The following CAMK2G variants were observed in gnomAD, a reference collection of about 807,000 sequenced individuals.
CAMK2G encodes the protein calcium/calmodulin-dependent protein kinase type II subunit gamma.
In CAMK2G, 23 loss-of-function variants were observed where a neutral mutation model predicts 88.7. The ratio of observed to expected loss-of-function variants is 0.26; its 90% confidence interval spans 0.19 to 0.37. CAMK2G has a LOEUF of 0.37. Among genes scored for constraint, CAMK2G ranks in the 10% least tolerant of loss-of-function variants. CAMK2G has a pLI of 1.00. For synonymous variants in CAMK2G, 263 were observed against 294.8 expected (o/e 0.89, Z 1.11); for missense variants, 476 against 780.8 (o/e 0.61, Z 4.65).
chr10:73,829,733 G>GTA (rs1190553247), intron 14 of CAMK2G, among the ~76,000 whole-genome samples: 10 of 150,440 alleles, frequency 6.6e-5, no homozygotes, highest in Non-Finnish European at 1.0e-4. Context: ...GTGTGTGTGT[G>GTA]TATATCTCCT....
intron 17 of CAMK2G, among the ~76,000 whole-genome samples, chr10:73,822,222 C>A (rs923939488): frequency 6.6e-6 from 1 of 152,158 alleles, no homozygotes; most frequent in African/African-American, 2.4e-5. Context: ...GGCTGGAGTG[C>A]AATGGCATGA....
intron 19 of CAMK2G, among the ~76,000 whole-genome samples, chr10:73,817,993 C>G (rs2086305425): frequency 6.6e-6 from 1 of 152,190 alleles, no homozygotes; most frequent in South Asian, 2.1e-4. Flanking sequence ...TCAATCACCA[C>G]CCCCACTCGT....
chr10:73,835,389 T>C (rs996254481), intron 14 of CAMK2G, among the ~76,000 whole-genome samples: 3 of 151,734 alleles, frequency 2.0e-5, no homozygotes, highest in East Asian at 1.9e-4. Context: ...TCAAACTCCC[T>C]GGGCTTAGGC....
chr10:73,847,438 G>T, intron 9 of CAMK2G, 91 bp from the exon 10 acceptor site: 2 of 1,383,674 alleles, frequency 1.4e-6, no homozygotes, highest in Non-Finnish European at 2.0e-6. Flanking sequence ...TCCTGTAATT[G>T]GGATACTCTG....
At position 73,842,524 on chromosome 10, in the gene CAMK2G, T is replaced by C. The variant is rs778123425; in HGVS notation, c.837A>G (p.Ala279=). 1.9e-6 allele frequency: 3 copies of C among 1,613,496 alleles called. No homozygotes were observed. In the African/African-American group the frequency reaches 4.0e-5, roughly 22 times the overall value. The change falls in exon 11 of 23, where the codon GCA becomes GCG. Residue 279 remains alanine, a synonymous_variant. Coordinates refer to ENST00000423381, the MANE Select transcript of CAMK2G (RefSeq NM_001367534.1). The surrounding 1 kb of genome is among the most constrained non-coding windows in gnomAD (Gnocchi z 4.6). The part of the protein sequence containing the change: ...HPWVCQRSTV[A]SMMHRQETVE... The stretch of plus-strand genomic sequence containing the variant: ...CAGTCTCCTGACGATGCATCATGGA[T>C]GCCACCGTGGATCGTTGCTAGAAAC...
At chr10:73,874,291 C>T in intron 1 of CAMK2G, 106 bp downstream of exon 1, 2 of 660,872 alleles carry the variant, frequency 3.0e-6, no homozygotes, top group African/African-American at 2.2e-5. Flanking sequence ...GGTGGGGCGG[C>T]CGAGGGGGAG....
At chr10:73,854,547 G>T (rs1267399843) in intron 3 of CAMK2G, among the ~76,000 whole-genome samples, 1 of 152,134 alleles carries the variant, frequency 6.6e-6, no homozygotes, top group Non-Finnish European at 1.5e-5. Flanking sequence ...GGCAGTTACA[G>T]GTGCACCTCA....
In CAMK2G at chr10:73,849,326, T is replaced by C. The variant is rs141619679; in HGVS notation, c.349A>G (p.Ile117Val). 3 of 1,610,842 alleles carry C rather than the reference T, an allele frequency of 1.9e-6. No individual in the cohort carries two copies. The highest frequency in any genetic ancestry group is 2.2e-5 in the East Asian group (1 of 44,808). ...YYSEADASHCIHQILESVNHI... is the reference protein window; with the variant it reads ...YYSEADASHCVHQILESVNHI... Reference sequence around the variant, plus strand: ...TTAACACTCTCCAGAATCTGATGTATACAGTGGCTAAAAAAGCAGAAGGAA... The same window carrying C: ...TTAACACTCTCCAGAATCTGATGTACACAGTGGCTAAAAAAGCAGAAGGAA... The change falls in exon 6 of 23, where the codon ATA (isoleucine) becomes GTA (valine). Residue 117 changes from isoleucine to valine, a missense_variant. Transcript: ENST00000423381.
intron 3 of CAMK2G, among the ~76,000 whole-genome samples, chr10:73,855,927 C>T (rs1171841677): frequency 6.6e-6 from 1 of 152,078 alleles, no homozygotes; most frequent in Non-Finnish European, 1.5e-5. Context: ...TATTTAGCAA[C>T]AGCAGATTCA....
intron 2 of CAMK2G, among the ~76,000 whole-genome samples, chr10:73,870,564 T>C (rs1270189911): frequency 6.6e-6 from 1 of 152,166 alleles, no homozygotes; most frequent in Non-Finnish European, 1.5e-5. Context: ...GAAACAGCTC[T>C]ATACCCTCTT....
intron 18 of CAMK2G, among the ~76,000 whole-genome samples, chr10:73,820,663 ATTTTTTTT>A (rs1198716305): frequency 8.7e-4 from 40 of 46,130 alleles, no homozygotes; most frequent in African/African-American, 2.8e-3. Flanking sequence ...CACCCGGCTA[ATTTTTTTT>A]TTTTTTTTTT....
At chr10:73,860,957 ATATT>A in intron 2 of CAMK2G, 68 bp from the exon 3 acceptor site, 1 of 1,102,176 alleles carries the variant, frequency 9.1e-7, no homozygotes, top group African/African-American at 1.5e-5. Flanking sequence ...CTTGTTATTC[ATATT>A]CCTTCAGTTC....
intron 3 of CAMK2G, among the ~76,000 whole-genome samples, chr10:73,857,767 TCTC>T (rs1289513510): frequency 1.4e-4 from 22 of 152,034 alleles, no homozygotes; most frequent in African/African-American, 4.8e-4. Flanking sequence ...CACACCAGCG[TCTC>T]CTCCTCTCAA....
chr10:73,825,201 G>A, intron 16 of CAMK2G, 78 bp downstream of exon 16: 1 of 1,009,686 alleles, frequency 9.9e-7, no homozygotes, highest in East Asian at 2.4e-5. Context: ...AGGCCAGGGA[G>A]GGGGCACAAG....
chr10:73,829,007 C>A (rs1261090878), intron 14 of CAMK2G, among the ~76,000 whole-genome samples: 3 of 152,204 alleles, frequency 2.0e-5, no homozygotes, highest in Non-Finnish European at 4.4e-5. Context: ...TAAGGTCCCC[C>A]TGTAATATGT....
chr10:73,818,453 C>G (rs751747089), intron 19 of CAMK2G: 15 of 342,576 alleles, frequency 4.4e-5, no homozygotes, highest in Non-Finnish European at 7.0e-5. Context: ...TTGGGTTGAG[C>G]TTGGGCTCAT....
intron 15 of CAMK2G, 73 bp downstream of exon 15, chr10:73,828,016 G>C: frequency 8.3e-7 from 1 of 1,209,670 alleles, no homozygotes; most frequent in Non-Finnish European, 1.2e-6. Context: ...GCACGTGGCA[G>C]AACAGGTTTG....
At chr10:73,872,173 G>C (rs1004891634) in intron 2 of CAMK2G, among the ~76,000 whole-genome samples, 3 of 152,182 alleles carry the variant, frequency 2.0e-5, no homozygotes, top group South Asian at 2.1e-4. Flanking sequence ...GGTGAGTTTG[G>C]CAAGTACCCA....
At chr10:73,837,424 C>T (rs748093595) in intron 14 of CAMK2G, 44 bp downstream of exon 14, 51 of 1,509,420 alleles carry the variant, frequency 3.4e-5, no homozygotes, top group East Asian at 1.6e-4. Flanking sequence ...ATAGTGACTG[C>T]GGGGAGAAAG....
Sources: gnomAD v4.1 joint callset for allele counts (sites outside exome capture counted in the v4.1 genomes callset) on GRCh38, gnomAD v4.1.1 for gene constraint, Gnocchi (gnomAD v3.1) non-coding constraint, MANE v1.5 for transcripts, NCBI Gene and HGNC (gene_info 2026-07-23, HGNC 2026-07-21) for gene names.